Variants in FOXN3 observed in about 807,000 individuals in gnomAD.
FOXN3 encodes forkhead box N3.
FOXN3 carries 7 observed loss-of-function variants against 38.4 expected under a neutral mutation model. The observed-to-expected ratio is 0.18, with a 90% CI of 0.10 to 0.34. The LOEUF (loss-of-function observed/expected upper bound fraction) is 0.34. FOXN3 is among the 10% of genes least tolerant of loss of function. The pLI is 1.00. For missense variants in FOXN3, 456 were observed against 613.4 expected (o/e 0.74, Z 2.71); for synonymous variants, 230 against 242.2 (o/e 0.95, Z 0.47).
chr14:89,340,538 A>G (rs1888585892), intron 3 of FOXN3, among the ~76,000 whole-genome samples: 1 of 152,198 alleles, frequency 6.6e-6, no homozygotes, highest in South Asian at 2.1e-4. Flanking sequence ...TTTGACAAAT[A>G]ATGCAACACG....
chr14:89,181,293 C>T (rs1366836872), intron 4 of FOXN3, among the ~76,000 whole-genome samples: 1 of 152,090 alleles, frequency 6.6e-6, no homozygotes, highest in Non-Finnish European at 1.5e-5. Context: ...CAGAACCTAA[C>T]AACAACTCAA....
chr14:89,424,496 G>C (rs917469887), intron 1 of FOXN3, among the ~76,000 whole-genome samples: 1 of 152,034 alleles, frequency 6.6e-6, no homozygotes, highest in Non-Finnish European at 1.5e-5. Flanking sequence ...GAAGTCTTTT[G>C]GTTTATAGGT....
chr14:89,479,633 G>C (rs1203589806), intron 1 of FOXN3, among the ~76,000 whole-genome samples: 1 of 152,100 alleles, frequency 6.6e-6, no homozygotes, highest in Non-Finnish European at 1.5e-5. Context: ...CTACCTCACA[G>C]AAATGATTGT....
intron 3 of FOXN3, among the ~76,000 whole-genome samples, chr14:89,342,170 G>GAGAACTGAGTGAGAACT (rs1566961364): frequency 6.6e-5 from 10 of 152,138 alleles, no homozygotes; most frequent in African/African-American, 2.4e-4. Context: ...AAGGTAACTC[G>GAGAACTGAGTGAGAACT]GAGTGGTTCT....
At chr14:89,283,831 G>A (rs1488486530) in intron 3 of FOXN3, among the ~76,000 whole-genome samples, 1 of 152,122 alleles carries the variant, frequency 6.6e-6, no homozygotes. Context: ...CTCTAATTCT[G>A]CAGGGTGAGC....
At chr14:89,585,757 G>A (rs369213379) in intron 1 of FOXN3, among the ~76,000 whole-genome samples, 500 of 136,622 alleles carry the variant, frequency 3.7e-3, no homozygotes, top group Non-Finnish European at 5.8e-3. Flanking sequence ...CACTTGACTA[G>A]AAAAAAAAAA....
intron 1 of FOXN3, among the ~76,000 whole-genome samples, chr14:89,495,971 T>G (rs1893672163): frequency 6.6e-6 from 1 of 152,080 alleles, no homozygotes; most frequent in African/African-American, 2.4e-5. Context: ...TCCCAGCACT[T>G]TAGGAGGCTG....
chr14:89,594,224 A>G (rs1003969057), intron 1 of FOXN3, among the ~76,000 whole-genome samples: 2 of 152,220 alleles, frequency 1.3e-5, no homozygotes, highest in African/African-American at 4.8e-5. Flanking sequence ...GTGCCTGTAC[A>G]TCAGGATAGA....
chr14:89,418,092 C>T (rs1891803224), upstream of FOXN3, among the ~76,000 whole-genome samples: 1 of 152,224 alleles, frequency 6.6e-6, no homozygotes, highest in Admixed American at 6.5e-5. Context: ...CACCAACCAG[C>T]CGCCTTGGGA....
intron 1 of FOXN3, among the ~76,000 whole-genome samples, chr14:89,581,769 A>G (rs2139911552): frequency 6.6e-6 from 1 of 152,274 alleles, no homozygotes; most frequent in Non-Finnish European, 1.5e-5. Flanking sequence ...TCCCTCTCCT[A>G]GAGTCAGAGA....
At chr14:89,415,882 A>ACACACACACACACACACACACC in intron 1 of FOXN3, among the ~76,000 whole-genome samples, 2 of 135,002 alleles carry the variant, frequency 1.5e-5, no homozygotes, top group African/African-American at 2.6e-5. Context: ...ACACACACAC[A>ACACACACACACACACACACACC]CCCTCTTTTG....
intron 3 of FOXN3, among the ~76,000 whole-genome samples, chr14:89,316,311 C>T (rs756588851): frequency 1.3e-5 from 2 of 152,094 alleles, no homozygotes; most frequent in Non-Finnish European, 2.9e-5. Context: ...GCTAACACCA[C>T]AAGGAATAGA....
At chr14:89,166,280 G>C (rs1286726000) in intron 5 of FOXN3, among the ~76,000 whole-genome samples, 2 of 152,152 alleles carry the variant, frequency 1.3e-5, no homozygotes, top group African/African-American at 4.8e-5. Flanking sequence ...GCATTAAAGA[G>C]GGGGATCCAA....
intron 2 of FOXN3, among the ~76,000 whole-genome samples, chr14:89,374,197 G>C (rs980145044): frequency 7.3e-6 from 1 of 137,538 alleles, no homozygotes; most frequent in African/African-American, 2.7e-5. Flanking sequence ...CCAGAATGTC[G>C]AGGCTGCAGT....
intron 5 of FOXN3, among the ~76,000 whole-genome samples, chr14:89,173,992 C>CAAAT (rs979150535): frequency 2.0e-5 from 3 of 151,770 alleles, no homozygotes; most frequent in Non-Finnish European, 2.9e-5. Flanking sequence ...GACCCTGTCT[C>CAAAT]AAATAAATAA....
chr14:89,262,487 GA>G (rs1156815242), intron 4 of FOXN3, among the ~76,000 whole-genome samples: 4 of 152,174 alleles, frequency 2.6e-5, no homozygotes, highest in African/African-American at 9.7e-5. Flanking sequence ...TTGGAGAGGG[GA>G]AAGGATCAAC....
intron 1 of FOXN3, among the ~76,000 whole-genome samples, chr14:89,437,147 T>C (rs1030685183): frequency 1.3e-5 from 2 of 150,988 alleles, no homozygotes; most frequent in African/African-American, 2.4e-5. Context: ...CACTCCAGTC[T>C]GGGCAACAAA....
At chr14:89,226,728 A>G (rs1354724226) in intron 4 of FOXN3, among the ~76,000 whole-genome samples, 1 of 152,184 alleles carries the variant, frequency 6.6e-6, no homozygotes, top group African/African-American at 2.4e-5. Flanking sequence ...AATAGTTAAG[A>G]TGGTCATACT....
intron 1 of FOXN3, among the ~76,000 whole-genome samples, chr14:89,508,942 G>A (rs770973085): frequency 2.6e-5 from 4 of 152,050 alleles, no homozygotes; most frequent in African/African-American, 4.8e-5. Flanking sequence ...TAAAACAATC[G>A]CTATGGATTG....
Sources: allele counts gnomAD v4.1 joint callset (sites outside exome capture counted in the v4.1 genomes callset), GRCh38; gene constraint gnomAD v4.1.1; transcripts MANE v1.5; gene names NCBI Gene and HGNC (gene_info 2026-07-23, HGNC 2026-07-21).